Variants in ANKRD24 observed in about 807,000 individuals in gnomAD.
ANKRD24 encodes ankyrin repeat domain 24.
Under a neutral mutation model 127.8 loss-of-function variants are expected in ANKRD24, and 109 were observed. The ratio of observed to expected loss-of-function variants is 0.85; its 90% CI spans 0.73 to 1.00. ANKRD24 has a LOEUF of 1.00. ANKRD24 is among the 50% of genes least tolerant of loss of function. ANKRD24 has a pLI of 0.00. For missense variants in ANKRD24, 1,648 were observed against 1,570.2 expected (o/e 1.05, Z -0.84); for synonymous variants, 743 against 671.1 (o/e 1.11, Z -1.66).
At chr19:4,212,430 G>T (rs1314007762) in intron 13 of ANKRD24, 45 bp from the exon 14 acceptor site, 2 of 1,560,542 alleles carry the variant, frequency 1.3e-6, no homozygotes, top group East Asian at 2.4e-5. Context: ...GGGCAGGGAG[G>T]CCTCTTGCCC....
At chr19:4,196,193 G>A (rs1292832704) in intron 2 of ANKRD24, among the ~76,000 whole-genome samples, 1 of 152,160 alleles carries the variant, frequency 6.6e-6, no homozygotes, top group African/African-American at 2.4e-5. Flanking sequence ...TAACCGTTGA[G>A]AAATTGAGAG....
Position 4,210,380 on chromosome 19 carries a change from G to C in ANKRD24, c.1059+8G>C, listed in dbSNP as rs1203124599. 1 of 1,525,206 alleles carries C rather than the reference G, an allele frequency of 6.6e-7. No individual in the cohort carries two copies. The highest frequency in any genetic ancestry group is 8.8e-7 in the Non-Finnish European group (1 of 1,138,266). 94.5% of individuals were successfully genotyped at this position (1,525,206 alleles called of 1,614,324 possible). A position where few individuals can be genotyped will look rare whatever the true frequency, so the allele number is the denominator to read the frequency against. ...GAACGGAGGCAGCAGGAGGTTAGGA[G>C]GCCTCGGAGATTTGGGCGTGGGCCA... On this transcript the variant is annotated splice_region_variant and intron_variant, in intron 13 of 21. Transcript: ENST00000318934.
chr19:4,221,444 G>A (rs965431121), intron 19 of ANKRD24, among the ~76,000 whole-genome samples: 6 of 151,546 alleles, frequency 4.0e-5, no homozygotes, highest in African/African-American at 1.5e-4. Context: ...TGCCCAGGTT[G>A]GTCTCAAACT....
chr19:4,215,132 G>A (rs1197269490), intron 15 of ANKRD24, among the ~76,000 whole-genome samples: 2 of 152,168 alleles, frequency 1.3e-5, no homozygotes, highest in African/African-American at 4.8e-5. Flanking sequence ...ATCTGATAAG[G>A]AGTTAATAAC....
chr19:4,217,462 G>T lies in ANKRD24; in HGVS notation c.2302G>T (p.Val768Phe). The T allele has an allele frequency of 6.7e-7, 1 of 1,494,944 alleles. No individual in the cohort carries two copies. Among genetic ancestry groups the T allele is most frequent in the Non-Finnish European group, 8.9e-7 (1 of 1,125,782 alleles). 92.6% of individuals were successfully genotyped at this position (1,494,944 alleles called of 1,614,324 possible). A position where few individuals can be genotyped will look rare whatever the true frequency, so the allele number is the denominator to read the frequency against. The change falls in exon 18 of 22, where the codon GTC becomes TTC. Residue 768 changes from valine to phenylalanine, a missense_variant. Physicochemically the swap from Val to Phe is conservative, Grantham distance 50. Coordinates refer to ENST00000318934, the MANE Select transcript of ANKRD24 (RefSeq NM_001393985.1). The part of the protein sequence containing the change: ...EAEAGRLRER[V>F]REAEGSGASG... ...CGAGGCAGGCCGGCTGCGAGAGCGTGTCCGCGAGGCCGAGGGCAGCGGGGC... is the reference window on the plus strand; with the variant it reads ...CGAGGCAGGCCGGCTGCGAGAGCGTTTCCGCGAGGCCGAGGGCAGCGGGGC...
At chr19:4,191,988 C>T (rs2145231926) in intron 2 of ANKRD24, among the ~76,000 whole-genome samples, 1 of 151,568 alleles carries the variant, frequency 6.6e-6, no homozygotes, top group East Asian at 1.9e-4. Flanking sequence ...TGGGTTTTGC[C>T]ATGTTGGCCA....
chr19:4,224,172 C>T lies in ANKRD24; in HGVS notation c.3343C>T (p.His1115Tyr), dbSNP rs746580038. 4 of 1,612,142 alleles carry T rather than the reference C, an allele frequency of 2.5e-6. No individual in the cohort carries two copies. Among genetic ancestry groups the T allele is most frequent in the Non-Finnish European group, 2.5e-6 (3 of 1,179,446 alleles). Residue 1115 changes from histidine to tyrosine, a missense_variant, in exon 21 of 22, where the codon CAC (histidine) becomes TAC (tyrosine). Transcript: ENST00000318934. ...CAGCGTGGTGGCTTTGTACAGAAGC[C>T]ACCTCCTATATGCCATTCAGGTGAG... ...HSSVVALYRS[H>Y]LLYAIQGQMD...
rs1246603202 is a variant in ANKRD24 at position 4,215,597 on chromosome 19, T to A, written c.1198-381T>A. Among the ~76,000 whole-genome samples, 3 of 55,196 alleles carry A rather than the reference T, an allele frequency of 5.4e-5. No homozygotes were observed. In the Admixed American group the frequency reaches 6.6e-4, roughly 12 times the overall value. 36.2% of individuals were successfully genotyped at this position (55,196 alleles called of 152,430 possible). A position where few individuals can be genotyped will look rare whatever the true frequency, so the allele number is the denominator to read the frequency against. ...GCCTGGGCGACGTGACGAGACCGCA[T>A]CTCTGAAAAAAAAAAAAAAAATTAA... On this transcript the variant is annotated intron_variant, in intron 15 of 21. Transcript: ENST00000318934.
chr19:4,218,049 G>T lies in ANKRD24; in HGVS notation c.2889G>T (p.Ala963=). Residue 963 remains alanine, a synonymous_variant, in exon 18 of 22, where the codon GCG becomes GCT. Transcript: ENST00000318934. ...ELERERVCSV[A]LSEHERIVGT... The stretch of plus-strand genomic sequence containing the variant: ...AGCGGGAGCGTGTGTGCAGCGTGGC[G>T]CTCTCGGAGCACGAACGCATCGTGG... 1.3e-6 allele frequency: 2 copies of T among 1,559,984 alleles called. No homozygotes were observed. The highest frequency in any genetic ancestry group is 1.7e-6 in the Non-Finnish European group (2 of 1,157,336).
intron 11 of ANKRD24, 100 bp downstream of exon 11, chr19:4,208,901 G>A (rs1969541076): frequency 2.3e-6 from 3 of 1,325,782 alleles, no homozygotes; most frequent in Non-Finnish European, 3.2e-6. Flanking sequence ...GTTAGACCTG[G>A]GAAAACCTGT....
rs1239801754 is a variant in ANKRD24 at position 4,217,232 on chromosome 19, G to A, written c.2072G>A (p.Gly691Asp). ...GMESTGVSAT[G>D]VENPGVEATV... is the part of the protein sequence containing the mutation. ...GAATCCACAGGAGTCAGTGCCACAG[G>A]TGTGGAGAACCCAGGGGTAGAGGCC... is the stretch of plus-strand genomic sequence containing the variant. Residue 691 changes from glycine to aspartate, a missense_variant, in exon 18 of 22, where the codon GGT becomes GAT. Physicochemically the swap from Gly to Asp is moderately conservative, Grantham distance 94. Transcript: ENST00000318934. The A allele has an allele frequency of 7.5e-6, 12 of 1,598,368 alleles. No individual in the cohort carries two copies. Among genetic ancestry groups the A allele is most frequent in the African/African-American group, 1.3e-5 (1 of 74,580 alleles).
Position 4,210,123 on chromosome 19 carries a change from C to T in ANKRD24, c.936C>T (p.Ala312=). The T allele has an allele frequency of 6.2e-7, 1 of 1,610,212 alleles. No homozygotes were observed. Among genetic ancestry groups the T allele is most frequent in the Non-Finnish European group, 8.5e-7 (1 of 1,178,476 alleles). ...PKKRKAPPPP[A]SIPMPDDRDA... is the part of the protein sequence containing the mutation. ...AGCGGAAGGCGCCTCCACCTCCCGC[C>T]AGCATTCCCATGCCGGTGAGAGATG... Residue 312 remains alanine (A), a synonymous_variant, in exon 12 of 22, where the codon GCC becomes GCT. Coordinates refer to ENST00000318934, the MANE Select transcript of ANKRD24 (RefSeq NM_001393985.1).
chr19:4,218,670 T>C lies in ANKRD24; in HGVS notation c.3003+507T>C, dbSNP rs930752799. On this transcript the variant is annotated intron_variant, in intron 18 of 21. Coordinates refer to ENST00000318934, the MANE Select transcript of ANKRD24 (RefSeq NM_001393985.1). ...TTCCACTTGTGTTTTCTCTCTTTCT[T>C]TCTCTTTATTTCTCCTTCCTTCCTC... Among the ~76,000 whole-genome samples, 7 of 149,036 alleles carry C rather than the reference T, an allele frequency of 4.7e-5. No homozygotes were observed. In the South Asian group the frequency reaches 6.5e-4, roughly 14 times the overall value.
chr19:4,184,346 G>T (rs1344275581), intron 1 of ANKRD24, among the ~76,000 whole-genome samples: 1 of 152,198 alleles, frequency 6.6e-6, no homozygotes, highest in Non-Finnish European at 1.5e-5. Context: ...CAGGACGGAG[G>T]ATCCCCTTAT....
intron 13 of ANKRD24, among the ~76,000 whole-genome samples, chr19:4,210,773 A>ACCCCCCCCCCCCCCCCCCCCCCCCCC (rs201183718): frequency 7.0e-5 from 6 of 85,828 alleles, no homozygotes; most frequent in Admixed American, 1.1e-4. Flanking sequence ...TTGTAACATC[A>ACCCCCCCCCCCCCCCCCCCCCCCCCC]CCCCCCACCA....
chr19:4,196,047 C>T (rs908369359), intron 2 of ANKRD24, among the ~76,000 whole-genome samples: 2 of 152,188 alleles, frequency 1.3e-5, no homozygotes, highest in Non-Finnish European at 2.9e-5. Context: ...TTGGAGTGCT[C>T]CTGGTGTGGA....
chr19:4,218,929 G>A (rs879600583), intron 18 of ANKRD24, among the ~76,000 whole-genome samples: 13 of 151,526 alleles, frequency 8.6e-5, no homozygotes, highest in Admixed American at 5.9e-4. Flanking sequence ...CACCATGCTC[G>A]TCTAACTTTT....
intron 13 of ANKRD24, among the ~76,000 whole-genome samples, chr19:4,211,246 ACAG>A (rs1969721891): frequency 6.6e-6 from 1 of 152,214 alleles, no homozygotes; most frequent in African/African-American, 2.4e-5. Context: ...TGCCTGGGTC[ACAG>A]TATGGGCGTC....
At position 4,198,096 on chromosome 19, in the gene ANKRD24, C is replaced by T. The variant is rs984277672; in HGVS notation, c.37-1587C>T. The T allele has an allele frequency of 6.5e-6, 3 of 460,600 alleles. No individual in the cohort carries two copies. Among genetic ancestry groups the T allele is most frequent in the African/African-American group, 2.0e-5 (1 of 48,960 alleles). 28.5% of individuals were successfully genotyped at this position (460,600 alleles called of 1,614,324 possible). A position where few individuals can be genotyped will look rare whatever the true frequency, so the allele number is the denominator to read the frequency against. ...CCGGAGGCACCTGCGCGCCCTTGGC[C>T]GACTCGGAGGAGGTGGAGATGGACG... On this transcript the variant is annotated intron_variant, in intron 2 of 21. Coordinates refer to ENST00000318934, the MANE Select transcript of ANKRD24 (RefSeq NM_001393985.1). The surrounding 1 kb of genome is among the most constrained non-coding windows in gnomAD (Gnocchi z 6.1).
Sources: allele counts gnomAD v4.1 joint callset (sites outside exome capture counted in the v4.1 genomes callset), GRCh38; gene constraint gnomAD v4.1.1; non-coding constraint Gnocchi (gnomAD v3.1); transcripts MANE v1.5; gene names NCBI Gene and HGNC (gene_info 2026-07-23, HGNC 2026-07-21).